The following CYP19A1 variants were observed in gnomAD, a reference collection of about 807,000 sequenced individuals.
CYP19A1 encodes aromatase.
In CYP19A1, 32 loss-of-function variants were observed where a neutral mutation model predicts 44.4. The observed-to-expected ratio is 0.72, with a 90% CI of 0.54 to 0.97. The LOEUF (loss-of-function observed/expected upper bound fraction) is 0.97. Among genes scored for constraint, CYP19A1 ranks in the 50% least tolerant of loss-of-function variants. The pLI is 0.00. For synonymous variants in CYP19A1, 212 were observed against 215.6 expected (o/e 0.98, Z 0.14); for missense variants, 598 against 637.8 (o/e 0.94, Z 0.67).
At chr15:51,244,418 T>C (rs1032854263) in intron 1 of CYP19A1, among the ~76,000 whole-genome samples, 1 of 152,202 alleles carries the variant, frequency 6.6e-6, no homozygotes, top group African/African-American at 2.4e-5. Context: ...TCCTTTGAGA[T>C]TCTCTCCTGA....
chr15:51,329,597 T>C (rs2036668624), intron 1 of CYP19A1, among the ~76,000 whole-genome samples: 1 of 152,218 alleles, frequency 6.6e-6, no homozygotes, highest in African/African-American at 2.4e-5. Flanking sequence ...ATGAAGAAAG[T>C]TTCCCAGTGG....
intron 2 of CYP19A1, among the ~76,000 whole-genome samples, chr15:51,239,323 G>A (rs2033602979): frequency 6.6e-6 from 1 of 152,096 alleles, no homozygotes. Context: ...GTACACCATA[G>A]AGAAACCTGT....
intron 1 of CYP19A1, among the ~76,000 whole-genome samples, chr15:51,333,727 C>G (rs1405559969): frequency 6.6e-6 from 1 of 152,158 alleles, no homozygotes; most frequent in African/African-American, 2.4e-5. Flanking sequence ...GGCCACTCCT[C>G]TGGTCCCTGG....
intron 1 of CYP19A1, among the ~76,000 whole-genome samples, chr15:51,266,742 C>T (rs993000164): frequency 1.3e-5 from 2 of 152,226 alleles, no homozygotes; most frequent in Admixed American, 6.5e-5. Flanking sequence ...TGACAAATCA[C>T]GGAGGTCCCC....
intron 1 of CYP19A1, among the ~76,000 whole-genome samples, chr15:51,310,852 C>A (rs1027808629): frequency 6.6e-6 from 1 of 152,142 alleles, no homozygotes; most frequent in East Asian, 1.9e-4. Flanking sequence ...ATGTAGGAGC[C>A]AGCACAAGTC....
At chr15:51,256,113 A>G (rs2008691) in intron 1 of CYP19A1, among the ~76,000 whole-genome samples, 34,622 of 152,234 alleles carry the variant, frequency 0.23, 4,959 homozygotes, top group African/African-American at 0.4. Flanking sequence ...AGCAGAATCA[A>G]AAGTGCACAT....
intron 1 of CYP19A1, chr15:51,313,937 A>T (rs2036369969): frequency 1.3e-5 from 2 of 152,178 alleles, no homozygotes; most frequent in African/African-American, 4.8e-5. Context: ...GAAAGGTTCA[A>T]CGCTCACCTG....
intron 1 of CYP19A1, among the ~76,000 whole-genome samples, chr15:51,284,559 A>C (rs1383477415): frequency 6.6e-6 from 1 of 152,264 alleles, no homozygotes; most frequent in African/African-American, 2.4e-5. Context: ...GGATCAATAT[A>C]GTAATAATAG....
intron 1 of CYP19A1, among the ~76,000 whole-genome samples, chr15:51,249,560 G>T (rs2034218375): frequency 6.6e-6 from 1 of 152,162 alleles, no homozygotes; most frequent in Non-Finnish European, 1.5e-5. Context: ...AAGCTTGTCT[G>T]AGCAGGGTAC....
intron 1 of CYP19A1, among the ~76,000 whole-genome samples, chr15:51,282,519 T>C (rs1458003455): frequency 6.6e-6 from 1 of 152,364 alleles, no homozygotes; most frequent in South Asian, 2.1e-4. Context: ...GTTTCTTTGT[T>C]TGACCACCAA....
chr15:51,265,432 G>C (rs960338844), intron 1 of CYP19A1, among the ~76,000 whole-genome samples: 8 of 152,182 alleles, frequency 5.3e-5, no homozygotes, highest in African/African-American at 1.9e-4. Flanking sequence ...ATATTGGCTT[G>C]AACAAAAGGG....
intron 1 of CYP19A1, among the ~76,000 whole-genome samples, chr15:51,258,620 G>A (rs1198641102): frequency 1.9e-5 from 2 of 104,526 alleles, no homozygotes; most frequent in Non-Finnish European, 3.8e-5. Flanking sequence ...AGCAGAGCTT[G>A]GACTGGAGTC....
chr15:51,247,360 C>T (rs1251296812), intron 1 of CYP19A1, among the ~76,000 whole-genome samples: 3 of 152,234 alleles, frequency 2.0e-5, no homozygotes, highest in Non-Finnish European at 4.4e-5. Flanking sequence ...GCCTAGTGAA[C>T]TCCACTATGC....
intron 1 of CYP19A1, among the ~76,000 whole-genome samples, chr15:51,289,342 A>T (rs1329043828): frequency 6.6e-6 from 1 of 152,186 alleles, no homozygotes; most frequent in Non-Finnish European, 1.5e-5. Context: ...AAGCAAGTTG[A>T]CTGGGCCACT....
chr15:51,276,360 T>C (rs1027884328), intron 1 of CYP19A1, among the ~76,000 whole-genome samples: 1 of 152,138 alleles, frequency 6.6e-6, no homozygotes, highest in African/African-American at 2.4e-5. Flanking sequence ...ACACATGAAC[T>C]CGAAAGACAC....
chr15:51,281,727 A>G (rs996844176), intron 1 of CYP19A1, among the ~76,000 whole-genome samples: 9 of 152,186 alleles, frequency 5.9e-5, no homozygotes, highest in Non-Finnish European at 1.3e-4. Context: ...AAAAAAGAAA[A>G]GAATGATGCC....
At position 51,265,091 on chromosome 15, in the gene CYP19A1, G is replaced by T. The variant is rs559114631; in HGVS notation, c.-38-22141C>A. On this transcript the variant is annotated intron_variant, in intron 1 of 9. Transcript: ENST00000396402. ...TTTCCAGTCTCATCCCCTGCCACTTGCCCTGCGCTCCATGCAGCTCTATCA... is the reference window on the plus strand; with the variant it reads ...TTTCCAGTCTCATCCCCTGCCACTTTCCCTGCGCTCCATGCAGCTCTATCA... Among the ~76,000 whole-genome samples, 8 of 152,260 alleles carry T rather than the reference G, an allele frequency of 5.3e-5. No individual in the cohort carries two copies. The South Asian group carries it at 6.2e-4, about 12-fold the overall frequency.
intron 2 of CYP19A1, among the ~76,000 whole-genome samples, chr15:51,240,023 C>T (rs1275091841): frequency 6.6e-6 from 1 of 151,892 alleles, no homozygotes; most frequent in East Asian, 1.9e-4. Flanking sequence ...GGTCTGGGAG[C>T]AATTTTTCAG....
At chr15:51,244,124 A>G (rs766133905) in intron 1 of CYP19A1, among the ~76,000 whole-genome samples, 12 of 152,166 alleles carry the variant, frequency 7.9e-5, no homozygotes, top group Admixed American at 2.6e-4. Flanking sequence ...TTCTAACTGG[A>G]TATTGGGGGC....
Sources: allele counts gnomAD v4.1 joint callset (sites outside exome capture counted in the v4.1 genomes callset), GRCh38; gene constraint gnomAD v4.1.1; transcripts MANE v1.5; gene names NCBI Gene and HGNC (gene_info 2026-07-23, HGNC 2026-07-21).